ENKUR: variants seen among roughly 807,000 people sequenced by gnomAD.
ENKUR encodes enkurin, TRPC channel interacting protein, also known as enkurin.
Under a neutral mutation model 27.6 loss-of-function variants are expected in ENKUR, and 19 were observed. That is an observed-to-expected ratio of 0.69 (90% CI 0.48 to 1.01). The LOEUF (loss-of-function observed/expected upper bound fraction) is 1.01, where lower values mean the gene tolerates loss of function less well. Ranked by LOEUF, ENKUR falls within the 50% of genes least tolerant of loss-of-function variation. The pLI is 0.00. For missense variants in ENKUR, 312 were observed against 310.5 expected (o/e 1.00, Z -0.04); for synonymous variants, 117 against 96.9 (o/e 1.21, Z -1.22).
chr10:25,048,934 A>G (rs1006711384), intron 2 of ENKUR, among the ~76,000 whole-genome samples: 1 of 152,116 alleles, frequency 6.6e-6, no homozygotes, highest in Non-Finnish European at 1.5e-5. Flanking sequence ...GAGGAAATGG[A>G]CATGGAAATC....
chr10:25,008,229 A>C (rs1229730830), intron 1 of ENKUR, among the ~76,000 whole-genome samples: 1 of 152,148 alleles, frequency 6.6e-6, no homozygotes, highest in African/African-American at 2.4e-5. Flanking sequence ...ATTTTAGCAT[A>C]AAATGTCATC....
chr10:25,044,554 G>T (rs557936956), intron 2 of ENKUR, among the ~76,000 whole-genome samples: 14 of 152,194 alleles, frequency 9.2e-5, no homozygotes, highest in African/African-American at 3.4e-4. Context: ...GTGTCACCAT[G>T]CCTGGCTAAT....
intron 2 of ENKUR, among the ~76,000 whole-genome samples, chr10:25,049,854 C>T (rs956873070): frequency 6.7e-6 from 1 of 149,506 alleles, no homozygotes; most frequent in Non-Finnish European, 1.5e-5. Context: ...TTCTGGGAGA[C>T]AGTAGTGTAT....
chr10:24,999,963 A>G (rs143270997), intron 1 of ENKUR, among the ~76,000 whole-genome samples: 1 of 152,230 alleles, frequency 6.6e-6, no homozygotes, highest in African/African-American at 2.4e-5. Flanking sequence ...CATTTCAATG[A>G]TATCTGTGCT....
chr10:25,033,845 A>G (rs1850966818), intron 2 of ENKUR, among the ~76,000 whole-genome samples: 1 of 151,232 alleles, frequency 6.6e-6, no homozygotes, highest in South Asian at 2.1e-4. Flanking sequence ...CTATCTATCT[A>G]TCTATCTATC....
In ENKUR at chr10:25,025,341, G is replaced by A. The variant is rs369556066; in HGVS notation, c.38-29472C>T. The A allele has an allele frequency of 1.9e-6, 3 of 1,614,176 alleles. No homozygotes were observed. The Admixed American group carries it at 5.0e-5, about 27-fold the overall frequency. ...ACAATGCATTACCTCCACTGCATGA[G>A]GCTTTATTAGAGAGAACAAAACAGC... On this transcript the variant is annotated intron_variant, in intron 2 of 5. Coordinates refer to the ENKUR transcript ENST00000615958.
At chr10:24,994,912 C>T (rs540474829) in intron 3 of ENKUR, among the ~76,000 whole-genome samples, 1 of 152,020 alleles carries the variant, frequency 6.6e-6, no homozygotes, top group Admixed American at 6.5e-5. Context: ...ATTCCAGCTA[C>T]TTGGGAGGCT....
At chr10:25,043,777 C>T (rs966148936) in intron 2 of ENKUR, among the ~76,000 whole-genome samples, 2 of 151,926 alleles carry the variant, frequency 1.3e-5, no homozygotes, top group South Asian at 2.1e-4. Flanking sequence ...TCTTTTTCTC[C>T]AGTCTTTTTC....
At position 24,984,382 on chromosome 10, in the gene ENKUR, G is replaced by A. The variant is rs767888646; in HGVS notation, c.765-6C>T. 4,012 of 1,397,508 alleles carry A rather than the reference G, an allele frequency of 2.9e-3. No homozygotes were observed. The highest frequency in any genetic ancestry group is 0.017 in the Middle Eastern group (76 of 4,546). 86.6% of individuals were successfully genotyped at this position (1,397,508 alleles called of 1,614,324 possible). A position where few individuals can be genotyped will look rare whatever the true frequency, so the allele number is the denominator to read the frequency against. ...TGTGCTGTTGGTATCATGCGCTGCA[G>A]AAAAAAAAAAAAAAAAGTGAAGTTC... On this transcript the variant is annotated splice_polypyrimidine_tract_variant and splice_region_variant and intron_variant, in intron 5 of 5. Coordinates refer to ENST00000331161, the MANE Select transcript of ENKUR (RefSeq NM_145010.4).
At chr10:25,059,842 G>A (rs1459992936) in intron 2 of ENKUR, among the ~76,000 whole-genome samples, 1 of 152,018 alleles carries the variant, frequency 6.6e-6, no homozygotes, top group African/African-American at 2.4e-5. Context: ...AAAAAAAGAA[G>A]GAAAGAAATT....
chr10:25,061,254 T>C lies in ENKUR; in HGVS notation c.-106A>G. On this transcript the variant is annotated 5_prime_UTR_variant, in exon 2 of 6. Transcript: ENST00000615958. Reference sequence around the variant, plus strand: ...TGGTTTGCAGCTATATGGTTGATGCTGCCAGACACATCCAGATATGGAAAA... The same window carrying C: ...TGGTTTGCAGCTATATGGTTGATGCCGCCAGACACATCCAGATATGGAAAA... 11 of 942,966 alleles carry C rather than the reference T, an allele frequency of 1.2e-5. No individual in the cohort carries two copies. In the South Asian group the frequency reaches 1.6e-4, roughly 14 times the overall value. The allele number at this position is 942,966 out of a possible 1,614,324, so 58.4% of individuals were successfully genotyped here.
intron 4 of ENKUR, 55 bp from the exon 5 acceptor site, chr10:24,984,960 A>C: frequency 1.5e-6 from 2 of 1,373,972 alleles, no homozygotes; most frequent in Non-Finnish European, 2.0e-6. Context: ...AAGTAAAGGA[A>C]ATGGGAAAAG....
At chr10:25,010,787 T>G (rs1288507987) in intron 1 of ENKUR, among the ~76,000 whole-genome samples, 1 of 146,008 alleles carries the variant, frequency 6.8e-6, no homozygotes, top group East Asian at 2.2e-4. Flanking sequence ...TCATTTTTTA[T>G]GGCTGCATAG....
At chr10:25,006,422 C>G (rs1345525181) in intron 1 of ENKUR, among the ~76,000 whole-genome samples, 4 of 151,744 alleles carry the variant, frequency 2.6e-5, no homozygotes, top group Non-Finnish European at 5.9e-5. Flanking sequence ...TTGCTTTTGT[C>G]TTTGGACAAT....
rs114934418 is a variant in ENKUR, at chr10:25,049,880, T to C, written c.37+11232A>G. Among the ~76,000 whole-genome samples, 771 of 151,748 alleles carry C rather than the reference T, an allele frequency of 5.1e-3. 5 individuals are homozygous for C. The highest frequency in any genetic ancestry group is 0.018 in the African/African-American group (731 of 41,354). Reference sequence around the variant, plus strand: ...AGTAGTGTATTAGACCATTTTTGCATTGTTATATAGGAATACCTGAGGCTG... The same window carrying C: ...AGTAGTGTATTAGACCATTTTTGCACTGTTATATAGGAATACCTGAGGCTG... On this transcript the variant is annotated intron_variant, in intron 2 of 5. Transcript: ENST00000615958.
At chr10:24,996,412 ACT>A (rs1588653376) in intron 2 of ENKUR, among the ~76,000 whole-genome samples, 2 of 150,914 alleles carry the variant, frequency 1.3e-5, no homozygotes, top group Admixed American at 6.6e-5. Flanking sequence ...ACGGAGTGAG[ACT>A]CTGTCTCAAA....
chr10:25,049,133 A>T (rs531085587), intron 2 of ENKUR, among the ~76,000 whole-genome samples: 24 of 152,306 alleles, frequency 1.6e-4, no homozygotes, highest in African/African-American at 5.8e-4. Context: ...ACTGAAGATG[A>T]TAACATATCC....
intron 2 of ENKUR, among the ~76,000 whole-genome samples, chr10:25,059,224 C>T (rs958229788): frequency 9.9e-5 from 15 of 151,202 alleles, no homozygotes; most frequent in Middle Eastern, 3.4e-3. Context: ...CCTCTGCCTC[C>T]CAGGTTCAAG....
At position 25,029,769 on chromosome 10, in the gene ENKUR, C is replaced by T. The variant is rs1000825; in HGVS notation, c.37+31343G>A. Among the ~76,000 whole-genome samples the T allele has an allele frequency of 1.9e-4, 29 of 152,246 alleles. No individual in the cohort carries two copies. In the East Asian group the frequency reaches 4.1e-3, roughly 21 times the overall value. Reference sequence around the variant, plus strand: ...TTCAAAAACAAATATGCTTTTCTGACTCAAAAAAGCCAAGCCAAGAAAGTT... The same window carrying T: ...TTCAAAAACAAATATGCTTTTCTGATTCAAAAAAGCCAAGCCAAGAAAGTT... On this transcript the variant is annotated intron_variant, in intron 2 of 5. Coordinates refer to the ENKUR transcript ENST00000615958.
Sources: allele counts gnomAD v4.1 joint callset (sites outside exome capture counted in the v4.1 genomes callset), GRCh38; gene constraint gnomAD v4.1.1; transcripts MANE v1.5; gene names NCBI Gene and HGNC (gene_info 2026-07-23, HGNC 2026-07-21).